The following ARSG variants were observed in gnomAD, a reference collection of about 807,000 sequenced individuals.
ARSG encodes ASG.
ARSG carries 37 observed loss-of-function variants against 50.5 expected under a neutral mutation model. The ratio of observed to expected loss-of-function variants is 0.73; its 90% CI spans 0.56 to 0.96. The LOEUF is 0.96. ARSG is among the 50% of genes least tolerant of loss of function. The probability of loss-of-function intolerance (pLI) is 0.00; values close to 1 mark genes in which losing one functional copy is unlikely to be tolerated. For missense variants in ARSG, 629 were observed against 675.3 expected (o/e 0.93, Z 0.76); for synonymous variants, 225 against 254.6 (o/e 0.88, Z 1.11).
the ARSG span, among the ~76,000 whole-genome samples, chr17:68,441,388 G>A: frequency 6.6e-6 from 1 of 152,222 alleles, no homozygotes; most frequent in African/African-American, 2.4e-5. Context: ...AATGCATTCA[G>A]GATTTGTGTG....
intron 1 of ARSG, chr17:68,269,357 G>GT (rs2075254664): frequency 9.0e-7 from 1 of 1,107,722 alleles, no homozygotes. Context: ...CTGGAAGAGA[G>GT]CATGGCGTCC....
the ARSG span, chr17:68,450,691 C>A: frequency 6.4e-7 from 1 of 1,571,852 alleles, no homozygotes. Flanking sequence ...CTCCCGTTAG[C>A]AGAAGCTTTG....
At chr17:68,448,128 T>C in the ARSG span, among the ~76,000 whole-genome samples, 1 of 152,010 alleles carries the variant, frequency 6.6e-6, no homozygotes, top group Non-Finnish European at 1.5e-5. Flanking sequence ...TGCTACAGAA[T>C]AGAACAGGAC....
In ARSG at chr17:68,307,651, C is replaced by G. The variant is rs1555764873; in HGVS notation, c.158C>G (p.Ala53Gly). The change falls in exon 2 of 12, where the codon GCA becomes GGA. Residue 53 changes from alanine (A) to glycine (G), a missense_variant. Physicochemically the swap from Ala to Gly is moderately conservative, Grantham distance 60 (BLOSUM62 0). Coordinates refer to ENST00000621439, the MANE Select transcript of ARSG (RefSeq NM_001267727.2). ...ADDMGWGDLG[A>G]NWAETKDTAN... is the part of the protein sequence containing the mutation. ...GACATGGGGTGGGGTGACCTGGGAG[C>G]AAACTGGGCAGAAACAAAGGACACT... 1 of 1,611,954 alleles carries G rather than the reference C, an allele frequency of 6.2e-7. No individual in the cohort carries two copies. Among genetic ancestry groups the G allele is most frequent in the Non-Finnish European group, 8.5e-7 (1 of 1,178,120 alleles).
At chr17:68,445,466 G>A in the ARSG span, among the ~76,000 whole-genome samples, 1 of 152,242 alleles carries the variant, frequency 6.6e-6, no homozygotes, top group South Asian at 2.1e-4. Context: ...CTTTTGGGCC[G>A]CTGTCTGAGC....
In ARSG at chr17:68,362,555, A is replaced by G. The variant is rs551614872; in HGVS notation, c.704+5751A>G. 1.9e-4 allele frequency among the ~76,000 whole-genome samples: 29 copies of G among 151,988 alleles called. No homozygotes were observed. In the East Asian group the frequency reaches 4.1e-3, roughly 21 times the overall value. ...TGTTACACCTTCCACAGCAACTTGT[A>G]TTTCTCTTCCATCTCTCCTACGGGC... is the stretch of plus-strand genomic sequence containing the variant. On this transcript the variant is annotated intron_variant, in intron 6 of 11. Transcript: ENST00000621439.
At chr17:68,451,270 A>C in the ARSG span, among the ~76,000 whole-genome samples, 1 of 152,116 alleles carries the variant, frequency 6.6e-6, no homozygotes, top group Non-Finnish European at 1.5e-5. Flanking sequence ...ATCTCTACTA[A>C]AAATATTTTA....
chr17:68,370,356 C>A, intron 7 of ARSG, 88 bp from the exon 8 acceptor site: 1 of 1,173,938 alleles, frequency 8.5e-7, no homozygotes, highest in Non-Finnish European at 1.2e-6. Context: ...AGTTCCTGCT[C>A]TGCGCAAGGG....
At chr17:68,297,932 C>G (rs1400184259) in intron 1 of ARSG, among the ~76,000 whole-genome samples, 1 of 149,664 alleles carries the variant, frequency 6.7e-6, no homozygotes, top group East Asian at 2.0e-4. Flanking sequence ...ATTTCATTCT[C>G]ACATTGTGTT....
intron 2 of ARSG, among the ~76,000 whole-genome samples, chr17:68,309,276 C>G (rs1418591305): frequency 1.3e-5 from 2 of 152,268 alleles, no homozygotes; most frequent in Non-Finnish European, 2.9e-5. Flanking sequence ...AGCCCCAGTT[C>G]CCGCTCGCGC....
intron 2 of ARSG, among the ~76,000 whole-genome samples, chr17:68,313,463 T>C (rs1431890547): frequency 3.9e-5 from 6 of 152,058 alleles, no homozygotes; most frequent in African/African-American, 1.4e-4. Context: ...TATGAGGCGT[T>C]CTTTCATGCC....
Position 68,307,343 on chromosome 17 carries a change from C to A in ARSG, c.-151C>A. On this transcript the variant is annotated 5_prime_UTR_variant, in exon 2 of 12. Transcript: ENST00000621439. Reference sequence around the variant, plus strand: ...ACATTCCTATAGCCGTTATCACTGCCATCACCACTGCCACCAGCATCTTCT... The same window carrying A: ...ACATTCCTATAGCCGTTATCACTGCAATCACCACTGCCACCAGCATCTTCT... 1 of 636,648 alleles carries A rather than the reference C, an allele frequency of 1.6e-6. No homozygotes were observed. Among genetic ancestry groups the A allele is most frequent in the South Asian group, 2.0e-5 (1 of 51,128 alleles). 39.4% of individuals were successfully genotyped at this position (636,648 alleles called of 1,614,324 possible). A position where few individuals can be genotyped will look rare whatever the true frequency, so the allele number is the denominator to read the frequency against.
intron 5 of ARSG, among the ~76,000 whole-genome samples, chr17:68,352,097 GA>G (rs2078800915): frequency 7.8e-6 from 1 of 129,020 alleles, no homozygotes; most frequent in Non-Finnish European, 1.7e-5. Flanking sequence ...AGGAGAGAGA[GA>G]GAGAGAGAGA....
chr17:68,414,894 T>A (rs933268729), intron 11 of ARSG, among the ~76,000 whole-genome samples: 2 of 152,242 alleles, frequency 1.3e-5, no homozygotes, highest in Non-Finnish European at 2.9e-5. Flanking sequence ...GTTTTGTTTC[T>A]TATTGAGTTT....
chr17:68,312,267 T>C (rs2076891476), intron 2 of ARSG, among the ~76,000 whole-genome samples: 1 of 152,170 alleles, frequency 6.6e-6, no homozygotes, highest in Non-Finnish European at 1.5e-5. Flanking sequence ...TAGTGGGCAA[T>C]TAATAAATAT....
At chr17:68,292,266 AG>A (rs1555756538) in intron 1 of ARSG, among the ~76,000 whole-genome samples, 2 of 152,138 alleles carry the variant, frequency 1.3e-5, no homozygotes, top group Non-Finnish European at 2.9e-5. Context: ...GCGTCGGCAC[AG>A]GTGCATGGCT....
rs1269975449 is a variant in ARSG, at chr17:68,395,283, A to C, written c.1212+90A>C. 2.6e-6 allele frequency: 4 copies of C among 1,559,984 alleles called. No individual in the cohort carries two copies. The African/African-American group carries it at 5.4e-5, about 21-fold the overall frequency. On this transcript the variant is annotated intron_variant, in intron 10 of 11. Coordinates refer to ENST00000621439, the MANE Select transcript of ARSG (RefSeq NM_001267727.2). Reference sequence around the variant, plus strand: ...TCTGTGCAGACAGAACCATCATCAGAAGATGGTCAAGAACAGGCTGCAGGT... The same window carrying C: ...TCTGTGCAGACAGAACCATCATCAGCAGATGGTCAAGAACAGGCTGCAGGT...
intron 9 of ARSG, among the ~76,000 whole-genome samples, chr17:68,394,323 C>T (rs866072446): frequency 1.3e-5 from 2 of 152,002 alleles, no homozygotes; most frequent in South Asian, 2.1e-4. Context: ...GTGTTCTGAT[C>T]GGGCGCAGTG....
chr17:68,374,172 A>AAG (rs1555785519), intron 8 of ARSG, among the ~76,000 whole-genome samples: 18 of 150,530 alleles, frequency 1.2e-4, no homozygotes, highest in African/African-American at 4.4e-4. Flanking sequence ...AAAAAAAAAA[A>AAG]AAAGAAACAA....
Sources: gnomAD v4.1 joint callset for allele counts (sites outside exome capture counted in the v4.1 genomes callset) on GRCh38, gnomAD v4.1.1 for gene constraint, MANE v1.5 for transcripts, NCBI Gene and HGNC (gene_info 2026-07-23, HGNC 2026-07-21) for gene names.